Variants in SCAMP4 observed in about 807,000 individuals in gnomAD.
The protein encoded by SCAMP4 is secretory carrier-associated membrane protein 4.
SCAMP4 carries 19 observed loss-of-function variants against 32.1 expected under a neutral mutation model. The ratio of observed to expected loss-of-function variants is 0.59; its 90% CI spans 0.41 to 0.87. SCAMP4 has a LOEUF of 0.87. SCAMP4 is among the 40% of genes least tolerant of loss of function. SCAMP4 has a pLI of 0.00. For missense variants in SCAMP4, 302 were observed against 309.0 expected, an observed-to-expected ratio of 0.98 and a Z score of 0.17; for synonymous variants, 152 against 132.7, an observed-to-expected ratio of 1.15 and a Z score of -1.00.
chr19:1,906,703 C>G (rs994559829), intron 1 of SCAMP4: 1 of 151,770 alleles, frequency 6.6e-6, no homozygotes. Context: ...AAAAAAAAGC[C>G]AGGCATGGTG....
At chr19:1,919,876 C>A (rs898512466) in intron 5 of SCAMP4, among the ~76,000 whole-genome samples, 43 of 150,988 alleles carry the variant, frequency 2.8e-4, no homozygotes, top group African/African-American at 1.0e-3. Context: ...GTGACATGAT[C>A]TTGGCTCACT....
Position 1,914,985 on chromosome 19 carries a change from G to T in SCAMP4, c.-35G>T, listed in dbSNP as rs751225563. On this transcript the variant is annotated 5_prime_UTR_variant, in exon 2 of 7. Transcript: ENST00000316097. ...GTGGTTGTCTTCCTTCCAGGCGGCT[G>T]CAGGCTTCAGCCTGCGCTGGTTGGT... The T allele has an allele frequency of 2.5e-6, 4 of 1,613,620 alleles. No individual in the cohort carries two copies. In the African/African-American group the frequency reaches 4.0e-5, roughly 16 times the overall value.
intron 5 of SCAMP4, chr19:1,922,533 C>G (rs949823352): frequency 1.0e-6 from 1 of 985,432 alleles, no homozygotes; most frequent in Non-Finnish European, 1.2e-6. Flanking sequence ...CTGCGCCCGG[C>G]CTCCTCATTG....
intron 6 of SCAMP4, 145 bp from the exon 7 acceptor site, chr19:1,923,963 T>G: frequency 3.6e-6 from 1 of 280,368 alleles, no homozygotes; most frequent in East Asian, 3.8e-5. Flanking sequence ...TTTCACCATG[T>G]TGTTTGGACT....
At chr19:1,907,478 C>T (rs2013190729) in intron 1 of SCAMP4, among the ~76,000 whole-genome samples, 1 of 151,852 alleles carries the variant, frequency 6.6e-6, no homozygotes, top group Non-Finnish European at 1.5e-5. Context: ...TGCCTGAGTT[C>T]TCGCAGTCAG....
At chr19:1,921,666 C>G in intron 5 of SCAMP4, 2 of 985,364 alleles carry the variant, frequency 2.0e-6, no homozygotes, top group South Asian at 4.7e-5. Flanking sequence ...TACATCCAAA[C>G]AGAGGTTTAC....
chr19:1,918,794 C>T, intron 4 of SCAMP4, 95 bp from the exon 5 acceptor site: 2 of 1,507,562 alleles, frequency 1.3e-6, no homozygotes, highest in Non-Finnish European at 1.8e-6. Context: ...AATAGAGCCT[C>T]CGCTCTCACC....
At chr19:1,911,992 C>T in intron 1 of SCAMP4, 1 of 1,413,398 alleles carries the variant, frequency 7.1e-7, no homozygotes, top group South Asian at 1.5e-5. Flanking sequence ...CCTTGTGGAG[C>T]CACGGCCTCC....
chr19:1,908,428 G>C lies in SCAMP4; in HGVS notation c.-42+2989G>C, dbSNP rs549897909. ...AGGCGTGGACCAGGCAGTGCATGTCGAGGAGTAGCACCCACAGCTGCGCGG... is the reference window on the plus strand; with the variant it reads ...AGGCGTGGACCAGGCAGTGCATGTCCAGGAGTAGCACCCACAGCTGCGCGG... On this transcript the variant is annotated intron_variant, in intron 1 of 6. Coordinates refer to ENST00000316097, the MANE Select transcript of SCAMP4 (RefSeq NM_079834.4). This position sits in a 1 kb window ranked among gnomAD's most constrained non-coding sequence, Gnocchi z 4.2. 2.2e-6 allele frequency: 1 copy of C among 463,992 alleles called. No homozygotes were observed. The highest frequency in any genetic ancestry group is 7.0e-5 in the East Asian group (1 of 14,292). 28.7% of individuals were successfully genotyped at this position (463,992 alleles called of 1,614,324 possible).
chr19:1,920,638 C>G (rs1021123195), intron 5 of SCAMP4: 1 of 985,508 alleles, frequency 1.0e-6, no homozygotes, highest in South Asian at 4.7e-5. Flanking sequence ...GGTGCTTCCC[C>G]CTCCTGCAGA....
In SCAMP4 at chr19:1,915,433, C is replaced by T. The variant is rs530516507; in HGVS notation, c.7+407C>T. On this transcript the variant is annotated intron_variant, in intron 2 of 6. Coordinates refer to ENST00000316097, the MANE Select transcript of SCAMP4 (RefSeq NM_079834.4). ...TGACTCCCCATCTGGCCCTCGCAGG[C>T]GCCCAGGGACACTTCCTCAGGCAGT... The T allele has an allele frequency of 2.0e-5, 5 of 248,846 alleles. No individual in the cohort carries two copies. The Admixed American group carries it at 2.0e-4, about 10-fold the overall frequency. 15.4% of individuals were successfully genotyped at this position (248,846 alleles called of 1,614,324 possible). A position where few individuals can be genotyped will look rare whatever the true frequency, so the allele number is the denominator to read the frequency against.
At position 1,908,818 on chromosome 19, in the gene SCAMP4, T is replaced by C. The variant is rs2013279286; in HGVS notation, c.-42+3379T>C. On this transcript the variant is annotated intron_variant, in intron 1 of 6. Coordinates refer to ENST00000316097, the MANE Select transcript of SCAMP4 (RefSeq NM_079834.4). The surrounding 1 kb of genome is among the most constrained non-coding windows in gnomAD (Gnocchi z 4.2). ...CCAACTAATTTATACTTTTAAGCAATGTGGGCTGGGCACGGTGGCTCACAC... is the reference window on the plus strand; with the variant it reads ...CCAACTAATTTATACTTTTAAGCAACGTGGGCTGGGCACGGTGGCTCACAC... Among the ~76,000 whole-genome samples the C allele has an allele frequency of 6.6e-6, 1 of 152,112 alleles. No homozygotes were observed. The highest frequency in any genetic ancestry group is 1.5e-5 in the Non-Finnish European group (1 of 68,024).
rs911521961 is a variant in SCAMP4, at chr19:1,912,486, C to G, written c.-41-2493C>G. 5 of 1,499,156 alleles carry G rather than the reference C, an allele frequency of 3.3e-6. No homozygotes were observed. In the African/African-American group the frequency reaches 5.8e-5, roughly 17 times the overall value. 92.9% of individuals were successfully genotyped at this position (1,499,156 alleles called of 1,614,324 possible). On this transcript the variant is annotated intron_variant, in intron 1 of 6. Coordinates refer to ENST00000316097, the MANE Select transcript of SCAMP4 (RefSeq NM_079834.4). ...ACCCTTCCTGGTGCCCGTGCCCGCC[C>G]GGCCGCCTCTGACCAGGGGCCAGTT...
At chr19:1,922,045 GGA>G (rs1277656216) in intron 5 of SCAMP4, 3 of 985,478 alleles carry the variant, frequency 3.0e-6, no homozygotes, top group Non-Finnish European at 3.6e-6. Flanking sequence ...GGAGTCAGCA[GGA>G]GAGAGACTGT....
intron 1 of SCAMP4, chr19:1,906,692 TAAA>T (rs928113130): frequency 1.3e-5 from 2 of 150,442 alleles, no homozygotes; most frequent in African/African-American, 2.5e-5. Context: ...CTACTAAAAA[TAAA>T]AAAAAGCCAG....
chr19:1,920,397 C>T (rs1307488445), intron 5 of SCAMP4: 1 of 767,062 alleles, frequency 1.3e-6, no homozygotes, highest in East Asian at 1.3e-4. Context: ...GGGATGGTGA[C>T]TCCTCTCCCT....
At chr19:1,919,313 G>C in intron 5 of SCAMP4, 2 of 1,192,518 alleles carry the variant, frequency 1.7e-6, no homozygotes, top group Admixed American at 7.5e-5. Context: ...GGGTCTGGGA[G>C]CCAGTTCCTG....
chr19:1,908,482 G>C lies in SCAMP4; in HGVS notation c.-42+3043G>C, dbSNP rs1353128981. On this transcript the variant is annotated intron_variant, in intron 1 of 6. Coordinates refer to ENST00000316097, the MANE Select transcript of SCAMP4 (RefSeq NM_079834.4). The surrounding 1 kb of genome is among the most constrained non-coding windows in gnomAD (Gnocchi z 4.2). ...CGAAATGATCCAGAGACACATCCCTGTCTGCGGGAGGAGCCGTCCATACCA... is the reference window on the plus strand; with the variant it reads ...CGAAATGATCCAGAGACACATCCCTCTCTGCGGGAGGAGCCGTCCATACCA... 2.1e-6 allele frequency: 1 copy of C among 470,924 alleles called. No homozygotes were observed. Among genetic ancestry groups the C allele is most frequent in the African/African-American group, 2.0e-5 (1 of 50,076 alleles). The allele number at this position is 470,924 out of a possible 1,614,324, so 29.2% of individuals were successfully genotyped here.
intron 4 of SCAMP4, 132 bp downstream of exon 4, chr19:1,918,415 G>A: frequency 9.5e-7 from 1 of 1,055,126 alleles, no homozygotes; most frequent in Non-Finnish European, 1.3e-6. Context: ...ATCTGGGGGT[G>A]GCAAACTGTG....
Sources: allele counts gnomAD v4.1 joint callset (sites outside exome capture counted in the v4.1 genomes callset), GRCh38; gene constraint gnomAD v4.1.1; non-coding constraint Gnocchi (gnomAD v3.1); transcripts MANE v1.5; gene names NCBI Gene and HGNC (gene_info 2026-07-23, HGNC 2026-07-21).